The following MUC6 variants were observed in gnomAD, a reference collection of about 807,000 sequenced individuals.
MUC6 encodes the protein mucin-6.
MUC6 carries 188 observed loss-of-function variants against 201.5 expected under a neutral mutation model. The observed-to-expected ratio is 0.93, with a 90% CI of 0.83 to 1.05. MUC6 has a LOEUF of 1.05. Ranked by LOEUF, MUC6 falls within the 50% of genes least tolerant of loss-of-function variation. MUC6 has a pLI of 0.00. For synonymous variants in MUC6, 1,228 were observed against 1,389.4 expected, an observed-to-expected ratio of 0.88 and a Z score of 2.58; for missense variants, 2,706 against 3,256.9, an observed-to-expected ratio of 0.83 and a Z score of 4.12.
chr11:1,013,523 C>CGGCCAGGGAATGTAT lies in MUC6; in HGVS notation c.7252_7253insATACATTCCCTGGCC (p.Gly2417_Arg2418insHisThrPheProGly). On this transcript the variant is annotated inframe_insertion, in exon 33 of 33. Coordinates refer to ENST00000421673, the MANE Select transcript of MUC6 (RefSeq NM_005961.3). ...CACCTGCAGGGTGAGTACGAGCCGC[C>CGGCCAGGGAATGTAT]GGCCAGGCGTGCTGGGATCGGGGCA... is the stretch of plus-strand genomic sequence containing the variant. 6.3e-7 allele frequency: 1 copy of CGGCCAGGGAATGTAT among 1,582,042 alleles called. No individual in the cohort carries two copies. Among genetic ancestry groups the CGGCCAGGGAATGTAT allele is most frequent in the Non-Finnish European group, 8.6e-7 (1 of 1,165,558 alleles).
chr11:1,013,547 C>T lies in MUC6; in HGVS notation c.7229G>A (p.Cys2410Tyr). 4 of 1,577,454 alleles carry T rather than the reference C, an allele frequency of 2.5e-6. No individual in the cohort carries two copies. The highest frequency in any genetic ancestry group is 3.4e-6 in the Non-Finnish European group (4 of 1,163,332). ...HSYEQQLELP[C>Y]PDPSTPGRRL... ...CCGGCCAGGCGTGCTGGGATCGGGG[C>T]AGGGCAGCTCCAGCTGCTGCTCATA... The change falls in exon 33 of 33, where the codon TGC (cysteine) becomes TAC (tyrosine). Residue 2410 changes from cysteine (C) to tyrosine (Y), a missense_variant. By Grantham distance (194) the Cys-to-Tyr change is radical. Transcript: ENST00000421673.
In MUC6 at chr11:1,026,952, C is replaced by T. The variant is rs763956171; in HGVS notation, c.2383G>A (p.Gly795Ser). The change falls in exon 19 of 33, where the codon GGT (glycine) becomes AGT (serine). Residue 795 changes from glycine to serine, a missense_variant. Transcript: ENST00000421673. ...CAPTCQMLAT[G>S]VACVPTKCEP... is the part of the protein sequence containing the mutation. The stretch of plus-strand genomic sequence containing the variant: ...GCGCGCCCCCTTACGCAGGCAACAC[C>T]GGTGGCCAGCATCTGGCATGTGGGG... The T allele has an allele frequency of 1.3e-5, 20 of 1,588,744 alleles. No homozygotes were observed. Among genetic ancestry groups the T allele is most frequent in the East Asian group, 9.2e-5 (4 of 43,554 alleles).
rs766448490 is a variant in MUC6 at position 1,020,712 on chromosome 11, TGGCTGCGGCGTGGTGGGC to T, written c.3594_3611del (p.Pro1204_Gln1209del). ...TGGTGGGCAGCTGCGGCGTGGTGGG[TGGCTGCGGCGTGGTGGGC>T]GGCACTGCAAGAAGATGGGGTCAGC... is the stretch of plus-strand genomic sequence containing the variant. On this transcript the variant is annotated inframe_deletion, in exon 28 of 33. Transcript: ENST00000421673. 1 of 1,613,160 alleles carries T rather than the reference TGGCTGCGGCGTGGTGGGC, an allele frequency of 6.2e-7. No individual in the cohort carries two copies. The highest frequency in any genetic ancestry group is 1.7e-4 in the Middle Eastern group (1 of 6,056).
chr11:1,034,363 G>T (rs1228656140), intron 1 of MUC6, among the ~76,000 whole-genome samples: 1 of 152,204 alleles, frequency 6.6e-6, no homozygotes, highest in African/African-American at 2.4e-5. Flanking sequence ...GGTGGCTCAT[G>T]CTGGGCCCTG....
Position 1,023,522 on chromosome 11 carries a change from G to A in MUC6, c.3513C>T (p.Gly1171=). Residue 1171 remains glycine (G), a synonymous_variant, in exon 26 of 33, where the codon GGC becomes GGT. Transcript: ENST00000421673. Reference sequence around the variant, plus strand: ...GTCACCTGGCACCTTCGATGTTGCTGCCTGGGACGCTCTGTGGCTGGCTGG... The same window carrying A: ...GTCACCTGGCACCTTCGATGTTGCTACCTGGGACGCTCTGTGGCTGGCTGG... The part of the protein sequence containing the change: ...LCPSQPQSVP[G]SNIEGCYNCS... 1 of 1,589,590 alleles carries A rather than the reference G, an allele frequency of 6.3e-7. No individual in the cohort carries two copies. Among genetic ancestry groups the A allele is most frequent in the Non-Finnish European group, 8.6e-7 (1 of 1,167,884 alleles).
chr11:1,020,377 T>C (rs1014380307), intron 28 of MUC6, 120 bp from the exon 29 acceptor site: 2 of 1,327,378 alleles, frequency 1.5e-6, no homozygotes, highest in Admixed American at 2.5e-5. Context: ...TGATGTGCAG[T>C]TGAGGGCTGG....
At chr11:1,029,882 G>T (rs1401198166) in intron 8 of MUC6, among the ~76,000 whole-genome samples, 1 of 152,258 alleles carries the variant, frequency 6.6e-6, no homozygotes, top group Admixed American at 6.5e-5. Context: ...CCCGGCCCAG[G>T]TTCCTGGTGA....
chr11:1,025,414 C>A (rs1385203224), intron 22 of MUC6, 47 bp from the exon 23 acceptor site: 2 of 1,580,696 alleles, frequency 1.3e-6, no homozygotes, highest in Non-Finnish European at 1.7e-6. Context: ...CTCCCCCGGC[C>A]CCTGGCACAG....
In MUC6 at chr11:1,018,334, C is replaced by G; in HGVS notation, c.4467G>C (p.Thr1489=). The change falls in exon 31 of 33, where the codon ACG becomes ACC. Residue 1489 remains threonine (T), a synonymous_variant. Coordinates refer to ENST00000421673, the MANE Select transcript of MUC6 (RefSeq NM_005961.3). ...APTGTIPPPT[T]LKATGSTHTA... is the part of the protein sequence containing the mutation. ...TGTGGGTGGACCCTGTGGCCTTGAG[C>G]GTTGTTGGTGGAGGAATGGTACCTG... 6.4e-7 allele frequency: 1 copy of G among 1,570,698 alleles called. No homozygotes were observed. The highest frequency in any genetic ancestry group is 1.6e-5 in the African/African-American group (1 of 63,636).
chr11:1,016,948 C>T lies in MUC6; in HGVS notation c.5853G>A (p.Val1951=). The change falls in exon 31 of 33, where the codon GTG becomes GTA. Residue 1951 remains valine (V), a synonymous_variant. Coordinates refer to ENST00000421673, the MANE Select transcript of MUC6 (RefSeq NM_005961.3). ...KHTSTGTRTP[V]AHTTSASSSR... is the part of the protein sequence containing the mutation. ...TGCTGCTGGCCGAGGTGGTGTGGGC[C>T]ACAGGGGTTCTGGTGCCTGTACTGG... 6.2e-7 allele frequency: 1 copy of T among 1,614,106 alleles called. No individual in the cohort carries two copies. Among genetic ancestry groups the T allele is most frequent in the Non-Finnish European group, 8.5e-7 (1 of 1,179,894 alleles).
chr11:1,021,359 T>A, intron 26 of MUC6, 82 bp from the exon 27 acceptor site: 1 of 794,000 alleles, frequency 1.3e-6, no homozygotes, highest in South Asian at 2.8e-5. Context: ...GCGGCCTCCT[T>A]CCTCTCTGCT....
chr11:1,026,430 C>T lies in MUC6; in HGVS notation c.2443G>A (p.Glu815Lys), dbSNP rs201436414. The T allele has an allele frequency of 1.1e-4, 182 of 1,608,474 alleles. No homozygotes were observed. In the African/African-American group the frequency reaches 1.4e-3, roughly 13 times the overall value. ...GGCACACACTGCCCGTCGGCATTCT[C>T]GTAGAGGCCCTCGGCGCAGACACAG... ...PGCVCAEGLY[E>K]NADGQCVPPE... The change falls in exon 20 of 33, where the codon GAG becomes AAG. Residue 815 changes from glutamate to lysine, a missense_variant. Glu to Lys is a moderately conservative substitution (Grantham distance 56). Coordinates refer to ENST00000421673, the MANE Select transcript of MUC6 (RefSeq NM_005961.3).
Position 1,025,374 on chromosome 11 carries a change from G to A in MUC6, c.2800-7C>T. 6.2e-7 allele frequency: 1 copy of A among 1,606,122 alleles called. No homozygotes were observed. The highest frequency in any genetic ancestry group is 8.5e-7 in the Non-Finnish European group (1 of 1,175,620). ...CCAGCACCACGGACAGGCCCTGTGG[G>A]GTGGGGTTGGCATAGGACTGCCTGT... On this transcript the variant is annotated splice_polypyrimidine_tract_variant and splice_region_variant and intron_variant, in intron 22 of 32. Coordinates refer to ENST00000421673, the MANE Select transcript of MUC6 (RefSeq NM_005961.3).
Position 1,025,359 on chromosome 11 carries a change from G to C in MUC6, c.2808C>G (p.Ser936=). Reference sequence around the variant, plus strand: ...TGTAGTTTCTGTCCGCCAGCACCACGGACAGGCCCTGTGGGGTGGGGTTGG... The same window carrying C: ...TGTAGTTTCTGTCCGCCAGCACCACCGACAGGCCCTGTGGGGTGGGGTTGG... ...RAIKIFLGGL[S]VVLADRNYTV... Residue 936 remains serine, a synonymous_variant, in exon 23 of 33, where the codon TCC becomes TCG. Coordinates refer to ENST00000421673, the MANE Select transcript of MUC6 (RefSeq NM_005961.3). 1.2e-6 allele frequency: 2 copies of C among 1,609,582 alleles called. No individual in the cohort carries two copies. The highest frequency in any genetic ancestry group is 1.7e-6 in the Non-Finnish European group (2 of 1,177,756).
At chr11:1,022,660 A>G (rs1856843251) in intron 26 of MUC6, among the ~76,000 whole-genome samples, 1 of 152,204 alleles carries the variant, frequency 6.6e-6, no homozygotes, top group Admixed American at 6.5e-5. Context: ...TCCAGGTTGC[A>G]GGACTGTTTG....
chr11:1,020,871 C>T, intron 27 of MUC6, 137 bp from the exon 28 acceptor site: 3 of 1,138,356 alleles, frequency 2.6e-6, no homozygotes, highest in South Asian at 2.8e-5. Flanking sequence ...TGGGAGCCCA[C>T]CCTCCCCTCT....
In MUC6 at chr11:1,029,579, C is replaced by A; in HGVS notation, c.1052G>T (p.Cys351Phe). 6.2e-7 allele frequency: 1 copy of A among 1,608,592 alleles called. No individual in the cohort carries two copies. The highest frequency in any genetic ancestry group is 8.5e-7 in the Non-Finnish European group (1 of 1,177,500). Residue 351 changes from cysteine (C) to phenylalanine (F), a missense_variant, in exon 9 of 33, where the codon TGC becomes TTC. Physicochemically the swap from Cys to Phe is radical, Grantham distance 205. Transcript: ENST00000421673. Reference protein sequence around the residue: ...VLNDLSNNHTCVPVTQCPCVL... With the variant: ...VLNDLSNNHTFVPVTQCPCVL... ...ACAGGGGCACTGGGTGACGGGCACGCAGGTGTGGTTATTGGAGAGGTCATT... is the reference window on the plus strand; with the variant it reads ...ACAGGGGCACTGGGTGACGGGCACGAAGGTGTGGTTATTGGAGAGGTCATT...
chr11:1,024,784 C>G (rs941692011), intron 24 of MUC6, 60 bp downstream of exon 24: 2 of 1,565,052 alleles, frequency 1.3e-6, no homozygotes, highest in Non-Finnish European at 1.7e-6. Context: ...CGCCCCTTCC[C>G]CCGCCCCCAC....
At chr11:1,023,736 A>G in intron 25 of MUC6, 84 bp from the exon 26 acceptor site, 1 of 1,561,224 alleles carries the variant, frequency 6.4e-7, no homozygotes. Context: ...GCATGCATGG[A>G]ACCTGAGTGT....
Sources: allele counts gnomAD v4.1 joint callset (sites outside exome capture counted in the v4.1 genomes callset), GRCh38; gene constraint gnomAD v4.1.1; transcripts MANE v1.5; gene names NCBI Gene and HGNC (gene_info 2026-07-23, HGNC 2026-07-21).